The following COL23A1 variants were observed in gnomAD, a reference collection of about 807,000 sequenced individuals.
COL23A1 encodes the protein collagen alpha-1(XXIII) chain.
Under a neutral mutation model 99.3 loss-of-function variants are expected in COL23A1, and 97 were observed. The observed-to-expected ratio is 0.98, with a 90% CI of 0.83 to 1.16. COL23A1 has a LOEUF of 1.16. Ranked by LOEUF, COL23A1 falls within the 50% of genes most tolerant of loss-of-function variation. COL23A1 has a pLI of 0.00. For synonymous variants in COL23A1, 320 were observed against 308.2 expected, an observed-to-expected ratio of 1.04 and a Z score of -0.40; for missense variants, 762 against 757.4, an observed-to-expected ratio of 1.01 and a Z score of -0.07.
At chr5:178,540,655 C>A (rs1178761137) in intron 2 of COL23A1, among the ~76,000 whole-genome samples, 1 of 151,918 alleles carries the variant, frequency 6.6e-6, no homozygotes, top group Non-Finnish European at 1.5e-5. Context: ...GGCGTGGTGG[C>A]TCATGCCTGC....
chr5:178,351,619 C>T (rs766536402), intron 2 of COL23A1, among the ~76,000 whole-genome samples: 3 of 152,154 alleles, frequency 2.0e-5, no homozygotes, highest in African/African-American at 7.2e-5. Flanking sequence ...GGTAGCAGCG[C>T]AGGCCGGGGC....
chr5:178,248,596 GC>G, intron 19 of COL23A1, among the ~76,000 whole-genome samples: 1 of 152,268 alleles, frequency 6.6e-6, no homozygotes, highest in East Asian at 1.9e-4. Flanking sequence ...TGGCGTAACA[GC>G]TGGTGGCTCT....
In COL23A1 at chr5:178,258,616, C is replaced by CT. The variant is rs1016035564; in HGVS notation, c.730-1050dup. On this transcript the variant is annotated intron_variant, in intron 12 of 28. Coordinates refer to ENST00000390654, the MANE Select transcript of COL23A1 (RefSeq NM_173465.4). The stretch of plus-strand genomic sequence containing the variant: ...TTCACCGCGTTAGCCAGGATGGTCT[C>CT]TATCTCCTGACCTCGTGATCAGCCT... 7.5e-4 allele frequency among the ~76,000 whole-genome samples: 114 copies of CT among 152,036 alleles called. 1 individual carries two copies. The highest frequency in any genetic ancestry group is 2.6e-3 in the African/African-American group (108 of 41,488).
chr5:178,242,113 G>A lies in COL23A1; in HGVS notation c.1510C>T (p.Pro504Ser), dbSNP rs769222935. 2.6e-6 allele frequency: 4 copies of A among 1,553,190 alleles called. No individual in the cohort carries two copies. The highest frequency in any genetic ancestry group is 3.5e-6 in the Non-Finnish European group (4 of 1,148,012). Residue 504 changes from proline (P) to serine (S), a missense_variant, in exon 27 of 29, where the codon CCC (proline) becomes TCC (serine). Coordinates refer to ENST00000390654, the MANE Select transcript of COL23A1 (RefSeq NM_173465.4). Reference sequence around the variant, plus strand: ...TGGCCCTTCACTCCTTTCCGGCCGGGGACCCCTCGTTCTCCCTGTGCAGGA... The same window carrying A: ...TGGCCCTTCACTCCTTTCCGGCCGGAGACCCCTCGTTCTCCCTGTGCAGGA... ...ERGEKGERGV[P>S]GRKGVKGQKG...
In COL23A1 at chr5:178,544,443, T is replaced by C. The variant is rs1464288023; in HGVS notation, c.361+16239A>G. Among the ~76,000 whole-genome samples, 2 of 152,178 alleles carry C rather than the reference T, an allele frequency of 1.3e-5. No individual in the cohort carries two copies. The highest frequency in any genetic ancestry group is 2.9e-5 in the Non-Finnish European group (2 of 68,024). On this transcript the variant is annotated intron_variant, in intron 2 of 28. Transcript: ENST00000390654. The surrounding 1 kb of genome is among the most constrained non-coding windows in gnomAD (Gnocchi z 4.4). The stretch of plus-strand genomic sequence containing the variant: ...TGAAAATTAAGCCCAAGACCTGCCA[T>C]GGCGGTGGGGAGCAGTCTCCCTCAG...
At chr5:178,348,033 G>A (rs541804165) in intron 2 of COL23A1, among the ~76,000 whole-genome samples, 65 of 152,146 alleles carry the variant, frequency 4.3e-4, no homozygotes, top group African/African-American at 1.5e-3. Flanking sequence ...CCCCTGTCCT[G>A]GATTCATGCC....
intron 3 of COL23A1, among the ~76,000 whole-genome samples, chr5:178,293,563 G>A (rs1374543593): frequency 6.6e-6 from 1 of 152,088 alleles, no homozygotes; most frequent in African/African-American, 2.4e-5. Context: ...GGGGGCTGGG[G>A]GTGTTTCTCT....
intron 2 of COL23A1, among the ~76,000 whole-genome samples, chr5:178,552,150 T>C (rs1014956530): frequency 9.2e-5 from 14 of 152,174 alleles, no homozygotes; most frequent in Admixed American, 6.5e-4. Context: ...AGGACTGGTG[T>C]TTCCTCAGGG....
chr5:178,336,789 C>T (rs1469143461), intron 2 of COL23A1, among the ~76,000 whole-genome samples: 1 of 152,138 alleles, frequency 6.6e-6, no homozygotes, highest in African/African-American at 2.4e-5. Flanking sequence ...TTTGGCAGAG[C>T]AATCTGTTTC....
chr5:178,508,795 G>A (rs1759027287), intron 2 of COL23A1, among the ~76,000 whole-genome samples: 1 of 152,208 alleles, frequency 6.6e-6, no homozygotes, highest in South Asian at 2.1e-4. Context: ...TGGCTAGAGA[G>A]CAGGCTTTTG....
At chr5:178,527,456 C>CT (rs1331828276) in intron 2 of COL23A1, among the ~76,000 whole-genome samples, 1 of 152,234 alleles carries the variant, frequency 6.6e-6, no homozygotes. Context: ...TCCAAGGGGC[C>CT]TCCAGGCACC....
In COL23A1 at chr5:178,503,090, C is replaced by T. The variant is rs114353821; in HGVS notation, c.361+57592G>A. Among the ~76,000 whole-genome samples, 1,099 of 152,308 alleles carry T rather than the reference C, an allele frequency of 7.2e-3. 7 individuals carry two copies. The highest frequency in any genetic ancestry group is 0.027 in the Middle Eastern group (8 of 294). The stretch of plus-strand genomic sequence containing the variant: ...GGAGGAAAGATAAATTCTTTAAAAA[C>T]GTCAATGCTGGCCAGACACAGTGGC... On this transcript the variant is annotated intron_variant, in intron 2 of 28. Transcript: ENST00000390654.
Position 178,589,452 on chromosome 5 carries a change from C to T in COL23A1, c.294+452G>A, listed in dbSNP as rs1268099009. On this transcript the variant is annotated intron_variant, in intron 1 of 28. Coordinates refer to ENST00000390654, the MANE Select transcript of COL23A1 (RefSeq NM_173465.4). This position sits in a 1 kb window ranked among gnomAD's most constrained non-coding sequence, Gnocchi z 5.4. ...GCCCTCGGGCCTGTCTGAGGCTTTC[C>T]TCCGCCGTGACCACCGCCTCTCCAG... Among the ~76,000 whole-genome samples, 1 of 152,112 alleles carries T rather than the reference C, an allele frequency of 6.6e-6. No individual in the cohort carries two copies. The highest frequency in any genetic ancestry group is 1.5e-5 in the Non-Finnish European group (1 of 68,014).
At chr5:178,371,632 C>G (rs1762806900) in intron 2 of COL23A1, among the ~76,000 whole-genome samples, 1 of 152,244 alleles carries the variant, frequency 6.6e-6, no homozygotes, top group Non-Finnish European at 1.5e-5. Flanking sequence ...GCCTGGCTCA[C>G]AGCTCACCCA....
At chr5:178,457,213 T>C (rs957989349) in intron 2 of COL23A1, among the ~76,000 whole-genome samples, 1 of 152,170 alleles carries the variant, frequency 6.6e-6, no homozygotes, top group East Asian at 1.9e-4. Flanking sequence ...CACATCATTC[T>C]TTTTTTCTTT....
chr5:178,252,735 C>CAG, intron 16 of COL23A1, 138 bp from the exon 17 acceptor site: 1 of 685,732 alleles, frequency 1.5e-6, no homozygotes, highest in Non-Finnish European at 2.4e-6. Context: ...ACTGCTTCTT[C>CAG]CCCAGTCAGG....
intron 5 of COL23A1, among the ~76,000 whole-genome samples, chr5:178,283,998 T>G (rs534781351): frequency 1.3e-5 from 2 of 152,330 alleles, no homozygotes; most frequent in African/African-American, 4.8e-5. Flanking sequence ...CCACCAGATT[T>G]GTTGAACACA....
Position 178,468,148 on chromosome 5 carries a change from C to T in COL23A1, c.361+92534G>A, listed in dbSNP as rs1448654374. 6.6e-6 allele frequency among the ~76,000 whole-genome samples: 1 copy of T among 152,128 alleles called. No homozygotes were observed. Among genetic ancestry groups the T allele is most frequent in the Non-Finnish European group, 1.5e-5 (1 of 68,026 alleles). Reference sequence around the variant, plus strand: ...AATCTGAGTGCCAGAAAGAGAGCGCCGGCTTTGGGGTGTGCTTGTGTGTTC... The same window carrying T: ...AATCTGAGTGCCAGAAAGAGAGCGCTGGCTTTGGGGTGTGCTTGTGTGTTC... On this transcript the variant is annotated intron_variant, in intron 2 of 28. Coordinates refer to ENST00000390654, the MANE Select transcript of COL23A1 (RefSeq NM_173465.4). This position sits in a 1 kb window ranked among gnomAD's most constrained non-coding sequence, Gnocchi z 4.2.
rs1263049406 is a variant in COL23A1, at chr5:178,566,905, A to T, written c.295-6157T>A. ...ACTGTACTCTAGCTAGGCGGTAAAG[A>T]TGTTTCTCACAGGGATTCAGGTTAG... On this transcript the variant is annotated intron_variant, in intron 1 of 28. Coordinates refer to ENST00000390654, the MANE Select transcript of COL23A1 (RefSeq NM_173465.4). Among the ~76,000 whole-genome samples the T allele has an allele frequency of 2.0e-5, 3 of 152,226 alleles. No homozygotes were observed. The East Asian group carries it at 5.8e-4, about 29-fold the overall frequency.
Sources: gnomAD v4.1 joint callset for allele counts (sites outside exome capture counted in the v4.1 genomes callset) on GRCh38, gnomAD v4.1.1 for gene constraint, Gnocchi (gnomAD v3.1) non-coding constraint, MANE v1.5 for transcripts, NCBI Gene and HGNC (gene_info 2026-07-23, HGNC 2026-07-21) for gene names.